XCR1: variants seen among roughly 807,000 people sequenced by gnomAD.
XCR1 encodes X-C motif chemokine receptor 1.
For synonymous variants in XCR1, 187 were observed against 188.5 expected, an observed-to-expected ratio of 0.99 and a Z score of 0.06; for missense variants, 356 against 424.2, an observed-to-expected ratio of 0.84 and a Z score of 1.41.
upstream of XCR1, among the ~76,000 whole-genome samples, chr3:46,027,966 C>G (rs1040410088): frequency 4.6e-5 from 7 of 152,182 alleles, no homozygotes; most frequent in Admixed American, 2.0e-4. Context: ...CTTCAGCCCC[C>G]AATTGGTTCT....
upstream of XCR1, among the ~76,000 whole-genome samples, chr3:46,031,466 C>G (rs370484942): frequency 6.6e-6 from 1 of 152,218 alleles, no homozygotes; most frequent in African/African-American, 2.4e-5. Flanking sequence ...GTCACCTTGG[C>G]CCCCTCTGGA....
At chr3:46,052,851 T>C (rs1697774132) in intron 5 of XCR1, among the ~76,000 whole-genome samples, 1 of 152,196 alleles carries the variant, frequency 6.6e-6, no homozygotes, top group Admixed American at 6.5e-5. Flanking sequence ...TGTGCCTAGG[T>C]TTCTTGCGAC....
intron 5 of XCR1, among the ~76,000 whole-genome samples, chr3:46,050,173 AT>A (rs1460525153): frequency 6.6e-6 from 1 of 152,158 alleles, no homozygotes; most frequent in Non-Finnish European, 1.5e-5. Flanking sequence ...GCGGTGAGGC[AT>A]GTCTCTGCTG....
intron 5 of XCR1, among the ~76,000 whole-genome samples, chr3:46,037,708 C>A (rs142942466): frequency 6.6e-6 from 1 of 152,014 alleles, no homozygotes; most frequent in Admixed American, 6.6e-5. Context: ...ATTAACATTG[C>A]TCATAGTTAA....
Position 46,023,894 on chromosome 3 carries a change from T to C in XCR1, c.-31-1916A>G, listed in dbSNP as rs182887884. The C allele has an allele frequency of 2.7e-6, 4 of 1,508,708 alleles. No homozygotes were observed. The Admixed American group carries it at 5.1e-5, about 19-fold the overall frequency. The allele number at this position is 1,508,708 out of a possible 1,614,324, so 93.5% of individuals were successfully genotyped here. A position where few individuals can be genotyped will look rare whatever the true frequency, so the allele number is the denominator to read the frequency against. On this transcript the variant is annotated intron_variant, in intron 1 of 1. Coordinates refer to ENST00000309285, the MANE Select transcript of XCR1 (RefSeq NM_001024644.2). ...TTAAGGAAAGAAAATAACTAAAGGC[T>C]GAAAAGGCCAGACTTCTAAAAAGGT...
intron 1 of XCR1, chr3:46,024,169 C>A (rs1296104253): frequency 7.7e-6 from 4 of 522,416 alleles, no homozygotes; most frequent in Admixed American, 3.1e-5. Flanking sequence ...TGGAAGGCCA[C>A]AGAAGAGGGG....
chr3:46,032,614 A>G (rs1019728329), intron 5 of XCR1, among the ~76,000 whole-genome samples: 1 of 152,218 alleles, frequency 6.6e-6, no homozygotes, highest in Admixed American at 6.5e-5. Flanking sequence ...CAAAGGCACC[A>G]CTGGCCACAG....
upstream of XCR1, among the ~76,000 whole-genome samples, chr3:46,028,244 A>G (rs1708336020): frequency 6.6e-6 from 1 of 152,066 alleles, no homozygotes; most frequent in South Asian, 2.1e-4. Flanking sequence ...GGAGTAAAAG[A>G]GCTGTAACAC....
chr3:46,064,189 C>CAAT (rs1304910722), intron 4 of XCR1, among the ~76,000 whole-genome samples: 3 of 152,098 alleles, frequency 2.0e-5, no homozygotes, highest in African/African-American at 7.2e-5. Context: ...GATTATTTAA[C>CAAT]AATAATAATA....
At chr3:46,034,794 T>G (rs1401129709) in intron 5 of XCR1, among the ~76,000 whole-genome samples, 1 of 152,178 alleles carries the variant, frequency 6.6e-6, no homozygotes, top group African/African-American at 2.4e-5. Context: ...TTTTAAAGCT[T>G]AAAACTTGTA....
intron 4 of XCR1, among the ~76,000 whole-genome samples, chr3:46,054,171 C>T (rs1184327826): frequency 6.6e-6 from 1 of 152,114 alleles, no homozygotes; most frequent in Non-Finnish European, 1.5e-5. Flanking sequence ...GACAAGGGCC[C>T]TGAGCTTTAC....
At chr3:46,069,794 T>A (rs1342555079) in intron 3 of XCR1, among the ~76,000 whole-genome samples, 17 of 152,104 alleles carry the variant, frequency 1.1e-4, no homozygotes. Flanking sequence ...TTGTTTTAAT[T>A]TCATTTAGTT....
At chr3:46,048,821 A>G (rs1288831875) in intron 5 of XCR1, among the ~76,000 whole-genome samples, 4 of 152,172 alleles carry the variant, frequency 2.6e-5, no homozygotes, top group Non-Finnish European at 5.9e-5. Flanking sequence ...GGCTAAATAT[A>G]GTTTTGATTG....
chr3:46,066,843 C>A (rs147656252), intron 4 of XCR1, among the ~76,000 whole-genome samples: 2 of 152,110 alleles, frequency 1.3e-5, no homozygotes, highest in African/African-American at 4.8e-5. Flanking sequence ...ATTATAACAC[C>A]GACTTTACTG....
At chr3:46,078,731 T>G (rs571359461) in intron 1 of XCR1, among the ~76,000 whole-genome samples, 4 of 152,244 alleles carry the variant, frequency 2.6e-5, no homozygotes, top group Non-Finnish European at 5.9e-5. Flanking sequence ...GAAAAGTGCA[T>G]GAGAGTGAGT....
At chr3:46,062,128 C>A (rs1316219873) in intron 4 of XCR1, among the ~76,000 whole-genome samples, 1 of 152,044 alleles carries the variant, frequency 6.6e-6, no homozygotes, top group Admixed American at 6.6e-5. Context: ...GACTTTGGGG[C>A]TTTTTCAGTG....
chr3:46,023,441 A>G (rs1708210520), intron 1 of XCR1: 2 of 1,503,568 alleles, frequency 1.3e-6, no homozygotes, highest in African/African-American at 2.8e-5. Flanking sequence ...AAGCTGACAC[A>G]ATCTGAGCAG....
At chr3:46,052,278 T>C (rs1697761618) in intron 5 of XCR1, among the ~76,000 whole-genome samples, 1 of 152,088 alleles carries the variant, frequency 6.6e-6, no homozygotes, top group Non-Finnish European at 1.5e-5. Flanking sequence ...AGGGAATCAA[T>C]ATGCCTCTGG....
chr3:46,067,166 G>A (rs1312066138), intron 3 of XCR1, among the ~76,000 whole-genome samples: 1 of 152,196 alleles, frequency 6.6e-6, no homozygotes, highest in African/African-American at 2.4e-5. Flanking sequence ...CACAGATATG[G>A]AAATGGATGA....
Sources: allele counts gnomAD v4.1 joint callset (sites outside exome capture counted in the v4.1 genomes callset), GRCh38; gene constraint gnomAD v4.1.1; transcripts MANE v1.5; gene names NCBI Gene and HGNC (gene_info 2026-07-23, HGNC 2026-07-21).